The following ABTB2 variants were observed in gnomAD, a reference collection of about 807,000 sequenced individuals.
ABTB2 encodes ankyrin repeat and BTB/POZ domain-containing protein 2.
A neutral mutation model predicts 104.1 loss-of-function variants in ABTB2; 56 were observed. The observed-to-expected ratio is 0.54, with a 90% CI of 0.43 to 0.67. ABTB2 has a LOEUF of 0.67. ABTB2 is among the 30% of genes least tolerant of loss of function. ABTB2 has a pLI of 0.00. For missense variants in ABTB2, 1,279 were observed against 1,407.7 expected, an observed-to-expected ratio of 0.91 and a Z score of 1.46; for synonymous variants, 606 against 608.2, an observed-to-expected ratio of 1.00 and a Z score of 0.05.
chr11:34,268,447 G>A (rs559709126), intron 1 of ABTB2, among the ~76,000 whole-genome samples: 4 of 152,324 alleles, frequency 2.6e-5, no homozygotes, highest in Admixed American at 6.5e-5. Context: ...CTGCAGCAGC[G>A]TGGAATCAGA....
chr11:34,217,654 G>T (rs1853565818), intron 1 of ABTB2, among the ~76,000 whole-genome samples: 1 of 152,128 alleles, frequency 6.6e-6, no homozygotes, highest in African/African-American at 2.4e-5. Flanking sequence ...TAGAGACGGG[G>T]TTTCTCCATG....
At chr11:34,339,446 CA>C (rs1023422421) in intron 1 of ABTB2, among the ~76,000 whole-genome samples, 5 of 152,166 alleles carry the variant, frequency 3.3e-5, no homozygotes, top group African/African-American at 1.2e-4. Context: ...AACTATTTGG[CA>C]AGAAGAGTCT....
rs1464259817 is a variant in ABTB2 at position 34,154,931 on chromosome 11, G to GTGTT, written c.2698-166_2698-163dup. Among the ~76,000 whole-genome samples, 1 of 152,200 alleles carries GTGTT rather than the reference G, an allele frequency of 6.6e-6. No individual in the cohort carries two copies. The highest frequency in any genetic ancestry group is 1.9e-4 in the East Asian group (1 of 5,190). On this transcript the variant is annotated intron_variant, in intron 14 of 16. Transcript: ENST00000435224. The surrounding 1 kb of genome is among the most constrained non-coding windows in gnomAD (Gnocchi z 4.9). ...CCCTCTCCTGCTCAGGCTGAGACTT[G>GTGTT]TGTTTTCCCGGGGAAGCCAACTCCA...
At chr11:34,335,945 A>G (rs1464586338) in intron 1 of ABTB2, 1 of 644,518 alleles carries the variant, frequency 1.6e-6, no homozygotes. Context: ...TTAACTAAAG[A>G]GTAAAATCCT....
chr11:34,210,080 G>T (rs755417491), intron 1 of ABTB2, among the ~76,000 whole-genome samples: 9 of 152,084 alleles, frequency 5.9e-5, no homozygotes, highest in Non-Finnish European at 1.2e-4. Context: ...TTGCAGAGGC[G>T]CTGTCTCTTC....
intron 1 of ABTB2, among the ~76,000 whole-genome samples, chr11:34,351,738 G>C (rs3981192): frequency 0.16 from 23,871 of 151,976 alleles, 3,262 homozygotes; most frequent in African/African-American, 0.36. Context: ...CCTATGAAGT[G>C]CACAGTTTTA....
At chr11:34,265,903 AG>A (rs1353585058) in intron 1 of ABTB2, among the ~76,000 whole-genome samples, 1 of 152,068 alleles carries the variant, frequency 6.6e-6, no homozygotes, top group Non-Finnish European at 1.5e-5. Context: ...CTGGAGGCAG[AG>A]GTTGCAGTGA....
chr11:34,261,355 T>C (rs970533560), intron 1 of ABTB2, among the ~76,000 whole-genome samples: 9 of 152,228 alleles, frequency 5.9e-5, no homozygotes, highest in Admixed American at 2.0e-4. Context: ...GACACATCCT[T>C]GCTTGACAAA....
At chr11:34,219,534 C>A (rs761847960) in intron 1 of ABTB2, among the ~76,000 whole-genome samples, 2 of 152,176 alleles carry the variant, frequency 1.3e-5, no homozygotes, top group Admixed American at 6.5e-5. Context: ...CAGAGCAAGA[C>A]CCTGTCTCCA....
In ABTB2 at chr11:34,195,084, G is replaced by GGGC. The variant is rs1174056062; in HGVS notation, c.1244+2240_1244+2241insGCC. Among the ~76,000 whole-genome samples, 3 of 91,506 alleles carry GGGC rather than the reference G, an allele frequency of 3.3e-5. 1 individual carries two copies. Among genetic ancestry groups the GGGC allele is most frequent in the African/African-American group, 1.1e-4 (3 of 28,362 alleles). The allele number at this position is 91,506 out of a possible 152,430, so 60.0% of individuals were successfully genotyped here. On this transcript the variant is annotated intron_variant, in intron 3 of 16. Coordinates refer to ENST00000435224, the MANE Select transcript of ABTB2 (RefSeq NM_145804.3). ...TGACAAAGATGCCCGGCGGGGGGGG[G>GGGC]GAGTGGGGGCGGGAGAAAGTGCCAG...
At chr11:34,293,623 CTGAGAT>C (rs199579562) in intron 1 of ABTB2, among the ~76,000 whole-genome samples, 1,770 of 152,310 alleles carry the variant, frequency 0.012, 28 homozygotes, top group African/African-American at 0.039. Context: ...TCAAATGCTG[CTGAGAT>C]ACCCTTCCAA....
chr11:34,229,342 G>A (rs551873273), intron 1 of ABTB2, among the ~76,000 whole-genome samples: 25 of 151,620 alleles, frequency 1.6e-4, no homozygotes, highest in Admixed American at 3.9e-4. Flanking sequence ...TTAGCCAGGT[G>A]TGGTGGCGGG....
chr11:34,236,794 T>C (rs527705706), intron 1 of ABTB2, among the ~76,000 whole-genome samples: 2 of 152,318 alleles, frequency 1.3e-5, no homozygotes, highest in East Asian at 1.9e-4. Flanking sequence ...CGCTCCTAGA[T>C]AGATTAGCAC....
chr11:34,330,752 C>T (rs530700324), intron 1 of ABTB2, among the ~76,000 whole-genome samples: 4 of 152,366 alleles, frequency 2.6e-5, no homozygotes, highest in Non-Finnish European at 5.9e-5. Context: ...GTTTAGCACA[C>T]TCCCAAGAAA....
intron 16 of ABTB2, among the ~76,000 whole-genome samples, chr11:34,152,912 C>T (rs903843535): frequency 2.6e-5 from 4 of 152,178 alleles, no homozygotes; most frequent in South Asian, 2.1e-4. Flanking sequence ...TGGCATGTGA[C>T]TGTGCACATG....
rs1039093887 is a variant in ABTB2, at chr11:34,239,625, G to A, written c.884-34935C>T. 4.6e-5 allele frequency among the ~76,000 whole-genome samples: 7 copies of A among 152,024 alleles called. No homozygotes were observed. In the South Asian group the frequency reaches 8.3e-4, roughly 18 times the overall value. On this transcript the variant is annotated intron_variant, in intron 1 of 16. Transcript: ENST00000435224. The stretch of plus-strand genomic sequence containing the variant: ...GGATTACAGGTCTGAGCCACCACCC[G>A]GCCTGTCTCTGCCTTTTTTCTACCC...
intron 1 of ABTB2, among the ~76,000 whole-genome samples, chr11:34,208,698 A>G (rs983965919): frequency 2.0e-5 from 3 of 151,804 alleles, no homozygotes; most frequent in Non-Finnish European, 4.4e-5. Flanking sequence ...CTCCTCTTCC[A>G]CCAGCCCCTC....
intron 3 of ABTB2, among the ~76,000 whole-genome samples, chr11:34,182,613 T>C (rs1853044825): frequency 6.6e-6 from 1 of 151,606 alleles, no homozygotes; most frequent in African/African-American, 2.4e-5. Flanking sequence ...AACCAAGTCA[T>C]GACTAGCTCT....
intron 1 of ABTB2, among the ~76,000 whole-genome samples, chr11:34,289,889 G>A (rs948644750): frequency 6.6e-6 from 1 of 152,214 alleles, no homozygotes; most frequent in Non-Finnish European, 1.5e-5. Flanking sequence ...AATCAGATGT[G>A]TGTTGGTTGA....
Sources: allele counts gnomAD v4.1 joint callset (sites outside exome capture counted in the v4.1 genomes callset), GRCh38; gene constraint gnomAD v4.1.1; non-coding constraint Gnocchi (gnomAD v3.1); transcripts MANE v1.5; gene names NCBI Gene and HGNC (gene_info 2026-07-23, HGNC 2026-07-21).